The following NHSL1 variants were observed in gnomAD, a reference collection of about 807,000 sequenced individuals.
NHSL1 encodes the protein NHS-like protein 1.
NHSL1 carries 48 observed loss-of-function variants against 95.0 expected under a neutral mutation model. The observed-to-expected ratio is 0.51, with a 90% CI of 0.40 to 0.64. The LOEUF is 0.64. Ranked by LOEUF, NHSL1 falls within the 30% of genes least tolerant of loss-of-function variation. The pLI is 0.00. For synonymous variants in NHSL1, 783 were observed against 833.9 expected, an observed-to-expected ratio of 0.94 and a Z score of 1.05; for missense variants, 1,971 against 2,077.7, an observed-to-expected ratio of 0.95 and a Z score of 1.00.
At chr6:138,680,618 T>C (rs1785500509) in intron 1 of NHSL1, among the ~76,000 whole-genome samples, 1 of 151,994 alleles carries the variant, frequency 6.6e-6, no homozygotes. Context: ...CTTTTCCTCT[T>C]TTATTTTATT....
Position 138,432,961 on chromosome 6 carries a change from C to G in NHSL1, c.1384G>C (p.Gly462Arg), listed in dbSNP as rs962949906. The G allele has an allele frequency of 1.0e-5, 16 of 1,551,342 alleles. No individual in the cohort carries two copies. Among genetic ancestry groups the G allele is most frequent in the Non-Finnish European group, 1.4e-5 (16 of 1,146,810 alleles). Residue 462 changes from glycine to arginine, a missense_variant, in exon 6 of 8, where the codon GGT (glycine) becomes CGT (arginine). Gly to Arg is a moderately radical substitution (Grantham distance 125, BLOSUM62 -2). This residue lies in a region of NHSL1 where 1,602 missense variants were observed against 1,654.5 expected (regional missense o/e 0.97). Coordinates refer to ENST00000343505, the MANE Select transcript of NHSL1 (RefSeq NM_001144060.2). This position sits in a 1 kb window ranked among gnomAD's most constrained non-coding sequence, Gnocchi z 4.4. ...DHLISRHAVKGDPQSPGRHWN... is the reference protein window; with the variant it reads ...DHLISRHAVKRDPQSPGRHWN... Reference sequence around the variant, plus strand: ...TGGCGACCGGGAGACTGAGGATCACCTTTCACAGCATGCCTGGAGATGAGG... The same window carrying G: ...TGGCGACCGGGAGACTGAGGATCACGTTTCACAGCATGCCTGGAGATGAGG...
At chr6:138,529,337 C>A (rs1053101232) in intron 1 of NHSL1, among the ~76,000 whole-genome samples, 1 of 152,318 alleles carries the variant, frequency 6.6e-6, no homozygotes, top group East Asian at 1.9e-4. Flanking sequence ...CAAAGCAAGA[C>A]ACTCCTGTCC....
chr6:138,538,016 A>T (rs1782430443), intron 1 of NHSL1, among the ~76,000 whole-genome samples: 2 of 152,184 alleles, frequency 1.3e-5, no homozygotes, highest in Non-Finnish European at 2.9e-5. Flanking sequence ...ATTCTATCAA[A>T]ATATTTTGGT....
chr6:138,560,296 C>G (rs1019094175), intron 1 of NHSL1, among the ~76,000 whole-genome samples: 1 of 152,122 alleles, frequency 6.6e-6, no homozygotes, highest in Non-Finnish European at 1.5e-5. Context: ...TCTGCTGATC[C>G]AAAGCAATGT....
Position 138,424,188 on chromosome 6 carries a change from C to A in NHSL1, c.4714G>T (p.Ala1572Ser). Residue 1572 changes from alanine to serine, a missense_variant, in exon 8 of 8, where the codon GCC (alanine) becomes TCC (serine). Around this residue, in one of 3 missense-constraint regions of NHSL1, gnomAD observed 223 missense variants for 217.0 expected, o/e 1.03. Transcript: ENST00000343505. This position sits in a 1 kb window ranked among gnomAD's most constrained non-coding sequence, Gnocchi z 5.9. ...EGGLLCGEGP[A>S]ASLQPQAPGP... ...GGGGCCTGGGGCTGCAGGGAGGCGG[C>A]AGGCCCCTCCCCACAGAGCAGGCCG... is the stretch of plus-strand genomic sequence containing the variant. 6.8e-7 allele frequency: 1 copy of A among 1,475,942 alleles called. No individual in the cohort carries two copies. Among genetic ancestry groups the A allele is most frequent in the South Asian group, 1.4e-5 (1 of 73,980 alleles). 91.4% of individuals were successfully genotyped at this position (1,475,942 alleles called of 1,614,324 possible).
In NHSL1 at chr6:138,534,800, G is replaced by A. The variant is rs186292757; in HGVS notation, c.16+10823C>T. ...TGGAACGATCCTCACTTGCATTAAG[G>A]AAAAGATGGAGGGGTCTCATTAAAG... is the stretch of plus-strand genomic sequence containing the variant. On this transcript the variant is annotated intron_variant, in intron 1 of 4. Coordinates refer to the NHSL1 transcript ENST00000342260. 4.1e-4 allele frequency among the ~76,000 whole-genome samples: 62 copies of A among 152,288 alleles called. No homozygotes were observed. In the East Asian group the frequency reaches 0.011, roughly 28 times the overall value.
intron 2 of NHSL1, among the ~76,000 whole-genome samples, chr6:138,479,236 T>C (rs1186038935): frequency 6.6e-6 from 1 of 152,208 alleles, no homozygotes; most frequent in East Asian, 1.9e-4. Flanking sequence ...GATGGAAGAT[T>C]CATTTTTACC....
chr6:138,498,303 C>T (rs1021371542), intron 1 of NHSL1, among the ~76,000 whole-genome samples: 4 of 152,140 alleles, frequency 2.6e-5, no homozygotes, highest in Non-Finnish European at 5.9e-5. Flanking sequence ...TCAATCGCAC[C>T]ATCGGCCCCA....
At chr6:138,656,491 T>C (rs2114721561) in intron 1 of NHSL1, among the ~76,000 whole-genome samples, 1 of 152,290 alleles carries the variant, frequency 6.6e-6, no homozygotes, top group East Asian at 1.9e-4. Context: ...GGAAATCCAG[T>C]TCAAACTGCA....
chr6:138,515,817 C>T (rs1020708922), intron 1 of NHSL1, among the ~76,000 whole-genome samples: 2 of 152,164 alleles, frequency 1.3e-5, no homozygotes, highest in Non-Finnish European at 2.9e-5. Flanking sequence ...GGTAGGTAAA[C>T]GTTTGCTAGA....
chr6:138,624,881 G>A (rs893731407), intron 1 of NHSL1, among the ~76,000 whole-genome samples: 5 of 152,168 alleles, frequency 3.3e-5, no homozygotes, highest in East Asian at 1.9e-4. Context: ...TATCTCTACC[G>A]TTTTCAATTA....
intron 1 of NHSL1, among the ~76,000 whole-genome samples, chr6:138,624,483 T>A (rs1784709518): frequency 3.9e-5 from 6 of 152,040 alleles, no homozygotes; most frequent in Admixed American, 3.9e-4. Context: ...ACATAGAGAA[T>A]TGAGAATAAT....
intron 1 of NHSL1, among the ~76,000 whole-genome samples, chr6:138,600,558 C>T (rs952163381): frequency 2.2e-4 from 34 of 152,320 alleles, no homozygotes; most frequent in African/African-American, 7.7e-4. Context: ...CAAAAGAGAA[C>T]ATTGCTCAAA....
chr6:138,588,731 A>G (rs1784178747), intron 1 of NHSL1, among the ~76,000 whole-genome samples: 1 of 152,238 alleles, frequency 6.6e-6, no homozygotes, highest in South Asian at 2.1e-4. Flanking sequence ...TTTGGGTGAA[A>G]AGAAAGCTCT....
Position 138,433,044 on chromosome 6 carries a change from C to G in NHSL1, c.1301G>C (p.Gly434Ala), listed in dbSNP as rs530625386. The change falls in exon 6 of 8, where the codon GGA becomes GCA. Residue 434 changes from glycine to alanine, a missense_variant. Gly to Ala is a moderately conservative substitution (Grantham distance 60). This residue lies in a region of NHSL1 where 1,602 missense variants were observed against 1,654.5 expected (regional missense o/e 0.97). Coordinates refer to ENST00000343505, the MANE Select transcript of NHSL1 (RefSeq NM_001144060.2). The part of the protein sequence containing the change: ...VIAIPTAQSA[G>A]QRESKSSGSS... ...GCCAGAACTTTTACTTTCCCGCTGTCCCGCACTCTGAGCAGTGGGAATAGC... is the reference window on the plus strand; with the variant it reads ...GCCAGAACTTTTACTTTCCCGCTGTGCCGCACTCTGAGCAGTGGGAATAGC... 1.1e-4 allele frequency: 167 copies of G among 1,551,500 alleles called. 2 individuals carry two copies. In the South Asian group the frequency reaches 1.2e-3, roughly 11 times the overall value.
intron 1 of NHSL1, among the ~76,000 whole-genome samples, chr6:138,598,997 T>A (rs1443662420): frequency 1.3e-5 from 2 of 152,198 alleles, no homozygotes; most frequent in Non-Finnish European, 2.9e-5. Context: ...TGGAGATCCA[T>A]CAGATTCCCT....
chr6:138,583,897 G>A lies in NHSL1; in HGVS notation c.97-87526C>T, dbSNP rs192939971. 6.0e-4 allele frequency among the ~76,000 whole-genome samples: 91 copies of A among 152,222 alleles called. No individual in the cohort carries two copies. In the East Asian group the frequency reaches 0.017, roughly 29 times the overall value. On this transcript the variant is annotated intron_variant, in intron 1 of 3. Transcript: ENST00000491526. ...GAGGATCACTTGAGGCCAGGAGTAG[G>A]AGAGCAGCCTGGACAACAAAGTAAG...
At chr6:138,526,392 G>A (rs541839479) in intron 1 of NHSL1, among the ~76,000 whole-genome samples, 1 of 152,260 alleles carries the variant, frequency 6.6e-6, no homozygotes, top group African/African-American at 2.4e-5. Context: ...GAGGTGAGAG[G>A]ATCACTTGAG....
intron 3 of NHSL1, among the ~76,000 whole-genome samples, chr6:138,473,004 A>G (rs763297321): frequency 1.3e-5 from 2 of 152,208 alleles, no homozygotes; most frequent in Non-Finnish European, 2.9e-5. Flanking sequence ...AAATACACTG[A>G]TTTTACGTCT....
Sources: gnomAD v4.1 joint callset for allele counts (sites outside exome capture counted in the v4.1 genomes callset) on GRCh38, gnomAD v4.1.1 for gene constraint, gnomAD v4.1.1 regional missense constraint, Gnocchi (gnomAD v3.1) non-coding constraint, MANE v1.5 for transcripts, NCBI Gene and HGNC (gene_info 2026-07-23, HGNC 2026-07-21) for gene names.